Variants in ZBBX observed in about 807,000 individuals in gnomAD.
ZBBX encodes zinc finger B-box domain containing.
In ZBBX, 101 loss-of-function variants were observed where a neutral mutation model predicts 108.5. The ratio of observed to expected loss-of-function variants is 0.93; its 90% confidence interval spans 0.79 to 1.10. The LOEUF (loss-of-function observed/expected upper bound fraction) is 1.10, where lower values mean the gene tolerates loss of function less well. Among genes scored for constraint, ZBBX ranks in the 50% least tolerant of loss-of-function variants. ZBBX has a pLI of 0.00. For missense variants in ZBBX, 1,009 were observed against 941.4 expected, an observed-to-expected ratio of 1.07 and a Z score of -0.94; for synonymous variants, 356 against 323.4, an observed-to-expected ratio of 1.10 and a Z score of -1.08.
chr3:167,197,801 A>C, the ZBBX span, among the ~76,000 whole-genome samples: 2 of 152,222 alleles, frequency 1.3e-5, no homozygotes, highest in African/African-American at 4.8e-5. Context: ...TGCTATATAG[A>C]AAAGTATATT....
intron 18 of ZBBX, among the ~76,000 whole-genome samples, chr3:167,292,825 G>A (rs1407793722): frequency 1.3e-5 from 2 of 152,094 alleles, no homozygotes; most frequent in Non-Finnish European, 2.9e-5. Context: ...AAGAAGAAAA[G>A]AGAGAAGAAT....
At chr3:167,185,353 G>A in the ZBBX span, among the ~76,000 whole-genome samples, 3 of 152,124 alleles carry the variant, frequency 2.0e-5, no homozygotes, top group Non-Finnish European at 4.4e-5. Context: ...AGCTGAGGAT[G>A]GGGACAGTGG....
the ZBBX span, among the ~76,000 whole-genome samples, chr3:167,228,601 A>G: frequency 2.0e-5 from 3 of 151,522 alleles, no homozygotes; most frequent in Non-Finnish European, 4.4e-5. Context: ...GATGCCCTCC[A>G]CTCCTAGGGG....
the ZBBX span, among the ~76,000 whole-genome samples, chr3:167,188,916 C>A: frequency 1.8e-4 from 28 of 152,122 alleles, no homozygotes; most frequent in African/African-American, 6.0e-4. Flanking sequence ...TTGAGGAAAC[C>A]CTGAGATTTA....
intron 17 of ZBBX, among the ~76,000 whole-genome samples, chr3:167,302,839 C>T (rs1304199396): frequency 6.6e-6 from 1 of 152,176 alleles, no homozygotes; most frequent in Non-Finnish European, 1.5e-5. Context: ...ATACCCTGAG[C>T]TGTGTTACAG....
chr3:167,321,541 AC>A (rs1014203021), intron 12 of ZBBX, among the ~76,000 whole-genome samples: 5 of 151,974 alleles, frequency 3.3e-5, no homozygotes, highest in African/African-American at 1.2e-4. Context: ...TCAAAAAAAG[AC>A]CAGAGACCAG....
At chr3:167,348,358 AAG>A (rs1228068487) in intron 9 of ZBBX, among the ~76,000 whole-genome samples, 1 of 144,224 alleles carries the variant, frequency 6.9e-6, no homozygotes, top group Non-Finnish European at 1.5e-5. Flanking sequence ...GAAAGAAAGA[AAG>A]AAAGAAAGAA....
chr3:167,199,190 G>C, the ZBBX span, among the ~76,000 whole-genome samples: 2 of 152,148 alleles, frequency 1.3e-5, no homozygotes, highest in African/African-American at 2.4e-5. Context: ...TCCTGTTGGG[G>C]ACATGTGAGA....
intron 9 of ZBBX, among the ~76,000 whole-genome samples, chr3:167,348,314 G>GAA (rs1476551584): frequency 0.025 from 1,599 of 64,858 alleles, 31 homozygotes; most frequent in African/African-American, 0.046. Context: ...GAGAAAGAAA[G>GAA]AGAAAGAAAG....
At chr3:167,373,450 AC>A (rs1267392707) in intron 3 of ZBBX, among the ~76,000 whole-genome samples, 37 of 152,148 alleles carry the variant, frequency 2.4e-4, no homozygotes, top group Admixed American at 2.4e-3. Context: ...TTAAAATTTC[AC>A]CAATATTTAT....
chr3:167,196,826 G>A, the ZBBX span, among the ~76,000 whole-genome samples: 1 of 149,892 alleles, frequency 6.7e-6, no homozygotes, highest in Non-Finnish European at 1.5e-5. Context: ...TTGGGTACCT[G>A]AGTTTAAAAA....
intron 1 of ZBBX, among the ~76,000 whole-genome samples, chr3:167,394,049 T>C (rs1196711343): frequency 6.6e-6 from 1 of 151,844 alleles, no homozygotes; most frequent in Non-Finnish European, 1.5e-5. Flanking sequence ...CCAAAATCTG[T>C]TTATATCTGG....
At chr3:167,390,476 G>A (rs1278398144) in intron 1 of ZBBX, among the ~76,000 whole-genome samples, 3 of 150,898 alleles carry the variant, frequency 2.0e-5, no homozygotes, top group Non-Finnish European at 3.0e-5. Context: ...GCTCTTTTTT[G>A]GTTCCATATG....
At chr3:167,339,840 C>T (rs1740230169) in intron 9 of ZBBX, among the ~76,000 whole-genome samples, 1 of 152,014 alleles carries the variant, frequency 6.6e-6, no homozygotes, top group Non-Finnish European at 1.5e-5. Flanking sequence ...CGTCGAAAGG[C>T]TCCGGTGTGT....
Position 167,282,245 on chromosome 3 carries a change from A to G in ZBBX, c.2247T>C (p.Ser749=), listed in dbSNP as rs368147483. The G allele has an allele frequency of 9.3e-6, 15 of 1,607,222 alleles. No individual in the cohort carries two copies. The African/African-American group carries it at 1.9e-4, about 20-fold the overall frequency. ...NLEKELQVLR[S]LADTSEKLYS... ...AAAAAAAAATAGGATTACCTGCAAG[A>G]GATCTCAGCACTTGTAATTCTTTTT... The change falls in exon 20 of 22, where the codon TCT becomes TCC. Residue 749 remains serine (S), a synonymous_variant. Transcript: ENST00000675490.
upstream of ZBBX, among the ~76,000 whole-genome samples, chr3:167,385,164 A>T (rs1224363281): frequency 6.6e-6 from 1 of 152,098 alleles, no homozygotes; most frequent in East Asian, 1.9e-4. Flanking sequence ...AACATCAAAG[A>T]GTGAACTGAC....
chr3:167,358,022 GT>G, intron 8 of ZBBX, among the ~76,000 whole-genome samples: 1 of 152,170 alleles, frequency 6.6e-6, no homozygotes, highest in Admixed American at 6.6e-5. Flanking sequence ...TCTGGGGACT[GT>G]TGTTGAGAGG....
At chr3:167,258,563 T>C (rs1462182906) in intron 20 of ZBBX, among the ~76,000 whole-genome samples, 1 of 149,712 alleles carries the variant, frequency 6.7e-6, no homozygotes, top group Non-Finnish European at 1.5e-5. Context: ...GTGGTAAGAG[T>C]AGACATCCTG....
chr3:167,229,486 G>A, the ZBBX span, among the ~76,000 whole-genome samples: 6 of 151,832 alleles, frequency 4.0e-5, no homozygotes, highest in East Asian at 3.9e-4. Context: ...ATGAATTGTC[G>A]AAAATGTTTA....
Sources: allele counts gnomAD v4.1 joint callset (sites outside exome capture counted in the v4.1 genomes callset), GRCh38; gene constraint gnomAD v4.1.1; transcripts MANE v1.5; gene names NCBI Gene and HGNC (gene_info 2026-07-23, HGNC 2026-07-21).